Variants in PPM1E observed in about 807,000 individuals in gnomAD.
The protein encoded by PPM1E is protein phosphatase, Mg2+/Mn2+ dependent 1E.
In PPM1E, 20 loss-of-function variants were observed where a neutral mutation model predicts 65.9. The observed-to-expected ratio is 0.30, with a 90% CI of 0.21 to 0.44. PPM1E has a LOEUF of 0.44. PPM1E is among the 20% of genes least tolerant of loss of function. The pLI is 1.00. For synonymous variants in PPM1E, 352 were observed against 374.9 expected, an observed-to-expected ratio of 0.94 and a Z score of 0.70; for missense variants, 713 against 953.1, an observed-to-expected ratio of 0.75 and a Z score of 3.32.
chr17:58,798,950 C>T (rs1380982629), intron 1 of PPM1E, among the ~76,000 whole-genome samples: 1 of 152,138 alleles, frequency 6.6e-6, no homozygotes, highest in Non-Finnish European at 1.5e-5. Context: ...CCCGCCTCAG[C>T]TCCCAAAGTG....
At chr17:58,880,244 C>T (rs2051179747) in intron 1 of PPM1E, among the ~76,000 whole-genome samples, 1 of 152,136 alleles carries the variant, frequency 6.6e-6, no homozygotes, top group South Asian at 2.1e-4. Context: ...ATTTCATCTC[C>T]TGCTTTTAAG....
intron 1 of PPM1E, among the ~76,000 whole-genome samples, chr17:58,853,272 G>A (rs999002434): frequency 1.3e-5 from 2 of 152,076 alleles, no homozygotes; most frequent in Non-Finnish European, 2.9e-5. Flanking sequence ...GCCATTTGGG[G>A]TTAATTTTAG....
At chr17:58,788,716 A>G (rs1462515841) in intron 1 of PPM1E, among the ~76,000 whole-genome samples, 1 of 152,206 alleles carries the variant, frequency 6.6e-6, no homozygotes, top group African/African-American at 2.4e-5. Flanking sequence ...ATTTTTTGTC[A>G]GTGCAGAATT....
chr17:58,886,601 A>G (rs192326836), intron 1 of PPM1E, among the ~76,000 whole-genome samples: 1 of 152,266 alleles, frequency 6.6e-6, no homozygotes, highest in Non-Finnish European at 1.5e-5. Flanking sequence ...TTTTGCCTTT[A>G]CTAGCTTGAA....
chr17:58,878,541 GC>G (rs2051153614), intron 1 of PPM1E, among the ~76,000 whole-genome samples: 1 of 151,732 alleles, frequency 6.6e-6, no homozygotes, highest in Non-Finnish European at 1.5e-5. Flanking sequence ...ACCACGCCTA[GC>G]CAGAATAGAT....
intron 1 of PPM1E, among the ~76,000 whole-genome samples, chr17:58,919,568 C>T (rs1018891811): frequency 6.6e-6 from 1 of 152,022 alleles, no homozygotes; most frequent in Non-Finnish European, 1.5e-5. Context: ...GGAGGATCAC[C>T]TGAGATCGGG....
intron 1 of PPM1E, among the ~76,000 whole-genome samples, chr17:58,757,459 A>G (rs759789409): frequency 7.2e-5 from 11 of 152,344 alleles, no homozygotes; most frequent in Non-Finnish European, 1.5e-4. Context: ...GGAGAATACT[A>G]GTAAGTCTCT....
At chr17:58,817,688 A>G (rs2050439311) in intron 1 of PPM1E, among the ~76,000 whole-genome samples, 2 of 152,174 alleles carry the variant, frequency 1.3e-5, no homozygotes, top group South Asian at 4.1e-4. Flanking sequence ...AACTTGTATG[A>G]TAACAAAACA....
At chr17:58,828,672 C>G (rs2050567472) in intron 1 of PPM1E, among the ~76,000 whole-genome samples, 1 of 152,162 alleles carries the variant, frequency 6.6e-6, no homozygotes, top group Non-Finnish European at 1.5e-5. Flanking sequence ...CCATGTTGGT[C>G]AGGCTGGTCT....
At position 58,965,681 on chromosome 17, in the gene PPM1E, G is replaced by A. The variant is rs2030200124; in HGVS notation, c.584-13G>A. The A allele has an allele frequency of 6.2e-7, 1 of 1,610,114 alleles. No individual in the cohort carries two copies. Among genetic ancestry groups the A allele is most frequent in the Admixed American group, 1.7e-5 (1 of 59,930 alleles). The stretch of plus-strand genomic sequence containing the variant: ...AAGGCTCTTCATTGGGGGTTTCTGT[G>A]TTTCTTTCACAGAGATTGAGACAGT... On this transcript the variant is annotated splice_polypyrimidine_tract_variant and intron_variant, in intron 2 of 6. Coordinates refer to ENST00000308249, the MANE Select transcript of PPM1E (RefSeq NM_014906.5).
At position 58,892,604 on chromosome 17, in the gene PPM1E, A is replaced by G. The variant is rs555761428; in HGVS notation, c.465-63045A>G. Among the ~76,000 whole-genome samples the G allele has an allele frequency of 8.5e-5, 13 of 152,234 alleles. No individual in the cohort carries two copies. The East Asian group carries it at 1.9e-3, about 23-fold the overall frequency. On this transcript the variant is annotated intron_variant, in intron 1 of 6. Transcript: ENST00000308249. ...AAAAATAATAATAATAAAATGATAA[A>G]ATAATAAATAAATTTCTGCGCTGCA...
intron 1 of PPM1E, among the ~76,000 whole-genome samples, chr17:58,794,347 C>T (rs1169858561): frequency 6.6e-6 from 1 of 151,344 alleles, no homozygotes; most frequent in Non-Finnish European, 1.5e-5. Flanking sequence ...CAAAGTGCTG[C>T]GATTACAGGT....
chr17:58,928,536 A>G (rs1236339229), intron 1 of PPM1E, among the ~76,000 whole-genome samples: 1 of 151,902 alleles, frequency 6.6e-6, no homozygotes, highest in Admixed American at 6.6e-5. Context: ...CCAAAACTCT[A>G]TACATTGTCA....
intron 3 of PPM1E, among the ~76,000 whole-genome samples, chr17:58,968,817 CCT>C (rs2030419177): frequency 6.6e-6 from 1 of 152,128 alleles, no homozygotes; most frequent in Non-Finnish European, 1.5e-5. Flanking sequence ...GTTGGAAGAT[CCT>C]CCTCTGGCAG....
chr17:58,827,914 T>TA (rs1339405320), intron 1 of PPM1E, among the ~76,000 whole-genome samples: 2 of 107,676 alleles, frequency 1.9e-5, no homozygotes, highest in South Asian at 3.0e-4. Context: ...AAAAAAAAAA[T>TA]AATAATAATA....
chr17:58,894,960 A>T (rs912792650), intron 1 of PPM1E, among the ~76,000 whole-genome samples: 17 of 152,138 alleles, frequency 1.1e-4, no homozygotes, highest in Non-Finnish European at 2.1e-4. Context: ...CACAGATTCA[A>T]GGTCTGTGGC....
intron 1 of PPM1E, among the ~76,000 whole-genome samples, chr17:58,825,224 TCACACACA>T (rs71367635): frequency 0.021 from 2,898 of 140,146 alleles, 41 homozygotes; most frequent in South Asian, 0.03. Context: ...ACACACACAC[TCACACACA>T]CACACACACA....
chr17:58,828,096 G>A (rs946157286), intron 1 of PPM1E, among the ~76,000 whole-genome samples: 13 of 151,600 alleles, frequency 8.6e-5, no homozygotes, highest in Admixed American at 7.9e-4. Flanking sequence ...GCAGGTGCCT[G>A]TAATCTCAGC....
intron 1 of PPM1E, among the ~76,000 whole-genome samples, chr17:58,903,603 C>T (rs900699767): frequency 2.6e-5 from 4 of 152,118 alleles, no homozygotes; most frequent in Admixed American, 1.3e-4. Flanking sequence ...AAATTAAAAT[C>T]TTATATTGTC....
Sources: gnomAD v4.1 joint callset for allele counts (sites outside exome capture counted in the v4.1 genomes callset) on GRCh38, gnomAD v4.1.1 for gene constraint, MANE v1.5 for transcripts, NCBI Gene and HGNC (gene_info 2026-07-23, HGNC 2026-07-21) for gene names.